Variants in RPS23 observed in about 807,000 individuals in gnomAD.
RPS23 encodes the protein small ribosomal subunit protein uS12.
For missense variants in RPS23, 73 were observed against 174.5 expected (o/e 0.42, Z 3.28); for synonymous variants, 66 against 60.4 (o/e 1.09, Z -0.43).
At position 82,275,510 on chromosome 5, in the gene RPS23, A is replaced by C; in HGVS notation, c.*599T>G. ...CCTTGCCTGGCATATACTTCCATCA[A>C]CTAAATGATCCAATGCCTGTATTCT... On this transcript the variant is annotated 3_prime_UTR_variant, in exon 4 of 4. Transcript: ENST00000296674. The C allele has an allele frequency of 1.7e-6, 1 of 592,006 alleles. No homozygotes were observed. The highest frequency in any genetic ancestry group is 2.0e-5 in the South Asian group (1 of 48,886). The allele number at this position is 592,006 out of a possible 1,614,324, so 36.7% of individuals were successfully genotyped here.
At chr5:82,278,051 T>G (rs1005201043) in intron 1 of RPS23, 199 bp from the exon 2 acceptor site, 1 of 654,448 alleles carries the variant, frequency 1.5e-6, no homozygotes, top group Non-Finnish European at 2.7e-6. Context: ...CCGGAGAATG[T>G]GTTCTCCCGA....
In RPS23 at chr5:82,275,723, G is replaced by T. The variant is rs1747758727; in HGVS notation, c.*386C>A. The T allele has an allele frequency of 4.1e-6, 1 of 246,342 alleles. No individual in the cohort carries two copies. Among genetic ancestry groups the T allele is most frequent in the Admixed American group, 5.0e-5 (1 of 20,082 alleles). 15.3% of individuals were successfully genotyped at this position (246,342 alleles called of 1,614,324 possible). On this transcript the variant is annotated 3_prime_UTR_variant, in exon 4 of 4. Transcript: ENST00000296674. ...AATGAAATTTGGTAACTGAAGTGTT[G>T]CACCCGATATGGAAAATACCAAGAA...
In RPS23 at chr5:82,274,696, G is replaced by C. The variant is rs1272799551; in HGVS notation, c.*1413C>G. The stretch of plus-strand genomic sequence containing the variant: ...TGAGCGAGGCCTAGCAATCTCTCCC[G>C]CATCACAAAGGATTGGGTCAGTTAA... On this transcript the variant is annotated 3_prime_UTR_variant, in exon 4 of 4. Transcript: ENST00000296674. The C allele has an allele frequency of 6.5e-6, 1 of 152,886 alleles. No homozygotes were observed. Among genetic ancestry groups the C allele is most frequent in the Admixed American group, 6.5e-5 (1 of 15,340 alleles). 9.5% of individuals were successfully genotyped at this position (152,886 alleles called of 1,614,324 possible).
At chr5:82,277,949 C>CTCT in intron 1 of RPS23, 97 bp from the exon 2 acceptor site, 1 of 1,105,318 alleles carries the variant, frequency 9.0e-7, no homozygotes, top group Non-Finnish European at 1.3e-6. Context: ...AACCCTTAAG[C>CTCT]CGATTGGCTC....
Position 82,277,648 on chromosome 5 carries a change from G to A in RPS23, c.164+45C>T, listed in dbSNP as rs77240237. On this transcript the variant is annotated intron_variant, in intron 2 of 3. Transcript: ENST00000296674. ...ACAAGAATTCGTAAGTTCATGTCTC[G>A]AATTCCTATAATAAACTAAAACTTG... The A allele has an allele frequency of 3.4e-4, 540 of 1,584,610 alleles. 1 individual carries two copies. The highest frequency in any genetic ancestry group is 4.2e-4 in the Non-Finnish European group (489 of 1,154,948).
chr5:82,275,453 G>A lies in RPS23; in HGVS notation c.*656C>T. 1 of 634,954 alleles carries A rather than the reference G, an allele frequency of 1.6e-6. No individual in the cohort carries two copies. The allele number at this position is 634,954 out of a possible 1,614,324, so 39.3% of individuals were successfully genotyped here. On this transcript the variant is annotated 3_prime_UTR_variant, in exon 4 of 4. Transcript: ENST00000296674. ...TCTGACAACCTCATGAGAAGATACTGAAAACATCAGTCTTGTCGTATACCT... is the reference window on the plus strand; with the variant it reads ...TCTGACAACCTCATGAGAAGATACTAAAAACATCAGTCTTGTCGTATACCT...
intron 1 of RPS23, 30 bp from the exon 2 acceptor site, chr5:82,277,882 A>G (rs748119086): frequency 1.9e-6 from 3 of 1,600,772 alleles, no homozygotes; most frequent in Non-Finnish European, 2.6e-6. Flanking sequence ...GTTCTTCCGT[A>G]AAAACACGCC....
chr5:82,278,099 T>A, intron 1 of RPS23: 2 of 672,810 alleles, frequency 3.0e-6, no homozygotes, highest in Non-Finnish European at 5.1e-6. Flanking sequence ...GAGGAAGCGC[T>A]GGCCTCCCTG....
At chr5:82,278,288 G>A in intron 1 of RPS23, 32 bp downstream of exon 1, 1 of 1,601,630 alleles carries the variant, frequency 6.2e-7, no homozygotes. Flanking sequence ...AGTCCCGCTT[G>A]CAGCGCCCTT....
intron 2 of RPS23, 46 bp from the exon 3 acceptor site, chr5:82,276,564 G>T (rs775359715): frequency 6.7e-5 from 108 of 1,607,970 alleles, no homozygotes; most frequent in Non-Finnish European, 8.8e-5. Context: ...TTCTGAAAAA[G>T]ATTATCTTTT....
rs1160869971 is a variant in RPS23, at chr5:82,275,547, T to C, written c.*562A>G. 2 of 547,920 alleles carry C rather than the reference T, an allele frequency of 3.7e-6. No homozygotes were observed. Among genetic ancestry groups the C allele is most frequent in the African/African-American group, 3.8e-5 (2 of 52,990 alleles). 33.9% of individuals were successfully genotyped at this position (547,920 alleles called of 1,614,324 possible). ...AATGCCTGTATTCTCCTAAACACAT[T>C]AATGTAGACACATTACAACACAGAT... is the stretch of plus-strand genomic sequence containing the variant. On this transcript the variant is annotated 3_prime_UTR_variant, in exon 4 of 4. Coordinates refer to ENST00000296674, the MANE Select transcript of RPS23 (RefSeq NM_001025.5).
intron 2 of RPS23, chr5:82,277,471 A>G: frequency 1.8e-6 from 1 of 564,714 alleles, no homozygotes; most frequent in African/African-American, 1.9e-5. Context: ...ATCTTCTCCA[A>G]TTCCTTCCAG....
At chr5:82,277,498 A>C in intron 2 of RPS23, 195 bp downstream of exon 2, 1 of 620,698 alleles carries the variant, frequency 1.6e-6, no homozygotes, top group Non-Finnish European at 2.8e-6. Context: ...GTTAAATTAA[A>C]ACCTTAACTA....
intron 2 of RPS23, chr5:82,277,240 G>C (rs900613258): frequency 5.9e-6 from 1 of 170,488 alleles, no homozygotes; most frequent in Non-Finnish European, 1.2e-5. Flanking sequence ...AAATATGATA[G>C]AACTATATGA....
At position 82,278,334 on chromosome 5, in the gene RPS23, C is replaced by A. The variant is rs774996308; in HGVS notation, c.-11G>T. The A allele has an allele frequency of 1.9e-6, 3 of 1,609,164 alleles. No homozygotes were observed. Among genetic ancestry groups the A allele is most frequent in the South Asian group, 2.2e-5 (2 of 90,084 alleles). ...CAACAGCTCACCCATCCTGTCGGCG[C>A]CACGGGCCTGAGCGAAAGAGAGAAG... On this transcript the variant is annotated 5_prime_UTR_variant, in exon 1 of 4. Transcript: ENST00000296674.
Position 82,278,347 on chromosome 5 carries a change from C to G in RPS23, c.-24G>C, listed in dbSNP as rs143871425. ...ATCCTGTCGGCGCCACGGGCCTGAG[C>G]GAAAGAGAGAAGCACCGCAGGAAGG... is the stretch of plus-strand genomic sequence containing the variant. On this transcript the variant is annotated 5_prime_UTR_variant, in exon 1 of 4. Transcript: ENST00000296674. 1 of 1,607,070 alleles carries G rather than the reference C, an allele frequency of 6.2e-7. No homozygotes were observed. The highest frequency in any genetic ancestry group is 1.7e-5 in the Admixed American group (1 of 59,318).
At chr5:82,278,219 C>G in intron 1 of RPS23, 101 bp downstream of exon 1, 2 of 1,131,290 alleles carry the variant, frequency 1.8e-6, no homozygotes, top group Admixed American at 4.2e-5. Flanking sequence ...CATGGAGCCT[C>G]TCCATGGCAT....
At position 82,276,452 on chromosome 5, in the gene RPS23, A is replaced by G; in HGVS notation, c.231T>C (p.Asn77=). The G allele has an allele frequency of 1.9e-6, 3 of 1,613,980 alleles. No individual in the cohort carries two copies. The highest frequency in any genetic ancestry group is 2.5e-6 in the Non-Finnish European group (3 of 1,179,882). Residue 77 remains asparagine, a synonymous_variant, in exon 3 of 4, where the codon AAT becomes AAC. Coordinates refer to ENST00000296674, the MANE Select transcript of RPS23 (RefSeq NM_001025.5). ...RKCVRVQLIK[N]GKKITAFVPN... ...GTACAAAGGCTGTGATTTTCTTGCC[A>G]TTCTTGATCAGCTGGACCCTTACAC...
chr5:82,275,903 T>G lies in RPS23; in HGVS notation c.*206A>C, dbSNP rs943597320. ...AACTGTGCCAGGTTACAAATGTTAT[T>G]AACTCTAGAGAATCCTGAAACAACC... On this transcript the variant is annotated 3_prime_UTR_variant, in exon 4 of 4. Transcript: ENST00000296674. The G allele has an allele frequency of 5.5e-6, 3 of 549,948 alleles. No individual in the cohort carries two copies. In the Admixed American group the frequency reaches 1.1e-4, roughly 20 times the overall value. 34.1% of individuals were successfully genotyped at this position (549,948 alleles called of 1,614,324 possible).
Sources: gnomAD v4.1 joint callset for allele counts on GRCh38, gnomAD v4.1.1 for gene constraint, MANE v1.5 for transcripts, NCBI Gene and HGNC (gene_info 2026-07-23, HGNC 2026-07-21) for gene names.